The following MALT1 variants were observed in gnomAD, a reference collection of about 807,000 sequenced individuals.
The protein encoded by MALT1 is mucosa-associated lymphoid tissue lymphoma translocation protein 1.
In MALT1, 36 loss-of-function variants were observed where a neutral mutation model predicts 85.5. That is an observed-to-expected ratio of 0.42 (90% confidence interval 0.32 to 0.56). The LOEUF (loss-of-function observed/expected upper bound fraction) is 0.56. MALT1 is among the 20% of genes least tolerant of loss of function. The pLI, the probability that MALT1 is intolerant of heterozygous loss-of-function variation, is 0.10. For synonymous variants in MALT1, 359 were observed against 361.3 expected, an observed-to-expected ratio of 0.99 and a Z score of 0.07; for missense variants, 716 against 981.6, an observed-to-expected ratio of 0.73 and a Z score of 3.62.
At chr18:58,688,830 G>A (rs570278224) in intron 2 of MALT1, among the ~76,000 whole-genome samples, 7 of 152,088 alleles carry the variant, frequency 4.6e-5, no homozygotes, top group Non-Finnish European at 8.8e-5. Flanking sequence ...GTGGCAGAAA[G>A]CGGGATTACC....
At chr18:58,722,593 T>C (rs1351280914) in intron 9 of MALT1, among the ~76,000 whole-genome samples, 1 of 152,220 alleles carries the variant, frequency 6.6e-6, no homozygotes, top group African/African-American at 2.4e-5. Flanking sequence ...CTGATGGGAT[T>C]CTTCCTGTCC....
chr18:58,718,764 T>C (rs903124774), intron 9 of MALT1, among the ~76,000 whole-genome samples: 3 of 152,138 alleles, frequency 2.0e-5, no homozygotes, highest in African/African-American at 4.8e-5. Flanking sequence ...AGTAGAAATA[T>C]GTAAAGAATC....
chr18:58,747,361 T>C, intron 16 of MALT1, 44 bp from the exon 17 acceptor site: 3 of 1,216,892 alleles, frequency 2.5e-6, no homozygotes, highest in Non-Finnish European at 3.6e-6. Context: ...TGATATATAT[T>C]CACTGTTGAT....
chr18:58,689,190 A>T (rs2054457526), intron 2 of MALT1, among the ~76,000 whole-genome samples: 1 of 151,834 alleles, frequency 6.6e-6, no homozygotes, highest in Non-Finnish European at 1.5e-5. Flanking sequence ...AAAGCAAAAC[A>T]TAAGGTTTAA....
rs2055406333 is a variant in MALT1 at position 58,748,669 on chromosome 18, T to C, written c.*827T>C. 1 of 192,526 alleles carries C rather than the reference T, an allele frequency of 5.2e-6. No homozygotes were observed. The highest frequency in any genetic ancestry group is 6.1e-5 in the Admixed American group (1 of 16,330). 11.9% of individuals were successfully genotyped at this position (192,526 alleles called of 1,614,324 possible). On this transcript the variant is annotated 3_prime_UTR_variant, in exon 17 of 17. Coordinates refer to ENST00000649217, the MANE Select transcript of MALT1 (RefSeq NM_006785.4). ...ATATTTAGCATCTTCCTTGATAATATGTATTTTCTTCTTGAATTTCACTGG... is the reference window on the plus strand; with the variant it reads ...ATATTTAGCATCTTCCTTGATAATACGTATTTTCTTCTTGAATTTCACTGG...
Position 58,748,246 on chromosome 18 carries a change from AAAGGCATCTAAGTT to A in MALT1, c.*406_*419del, listed in dbSNP as rs1470946869. 2 of 244,288 alleles carry A rather than the reference AAAGGCATCTAAGTT, an allele frequency of 8.2e-6. No individual in the cohort carries two copies. The highest frequency in any genetic ancestry group is 1.6e-5 in the Non-Finnish European group (2 of 124,898). The allele number at this position is 244,288 out of a possible 1,614,324, so 15.1% of individuals were successfully genotyped here. A position where few individuals can be genotyped will look rare whatever the true frequency, so the allele number is the denominator to read the frequency against. ...AATTTTATCCATGGAAGAAACACAG[AAAGGCATCTAAGTT>A]AGAGCTGGCACCAGAACTGAGACCT... On this transcript the variant is annotated 3_prime_UTR_variant, in exon 17 of 17. Coordinates refer to ENST00000649217, the MANE Select transcript of MALT1 (RefSeq NM_006785.4).
At chr18:58,742,994 A>T (rs1030640598) in intron 14 of MALT1, among the ~76,000 whole-genome samples, 3 of 152,214 alleles carry the variant, frequency 2.0e-5, no homozygotes, top group African/African-American at 7.2e-5. Flanking sequence ...GAGTCCAAGT[A>T]TCTAGTCTGT....
At chr18:58,709,612 C>T in intron 5 of MALT1, 56 bp downstream of exon 5, 1 of 1,369,290 alleles carries the variant, frequency 7.3e-7, no homozygotes, top group Non-Finnish European at 1.0e-6. Flanking sequence ...ACAAATGGTA[C>T]AATTGAAATA....
Position 58,747,602 on chromosome 18 carries a change from A to G in MALT1, c.2235A>G (p.Gly745=). Residue 745 remains glycine (G), a synonymous_variant, in exon 17 of 17, where the codon GGA becomes GGG. Transcript: ENST00000649217. ...GPYQSSAATS[G]GAGHYHSLQD... ...ACCAGAGTTCTGCAGCCACCTCAGG[A>G]GGAGCAGGGCATTATCACTCATTGC... 1 of 1,614,196 alleles carries G rather than the reference A, an allele frequency of 6.2e-7. No homozygotes were observed. Among genetic ancestry groups the G allele is most frequent in the Non-Finnish European group, 8.5e-7 (1 of 1,180,012 alleles).
At chr18:58,711,556 C>CT (rs1374124036) in intron 7 of MALT1, among the ~76,000 whole-genome samples, 1 of 152,120 alleles carries the variant, frequency 6.6e-6, no homozygotes, top group African/African-American at 2.4e-5. Context: ...ACATAAACTT[C>CT]TAATTTGTTT....
intron 2 of MALT1, among the ~76,000 whole-genome samples, chr18:58,688,287 GTA>G (rs745478473): frequency 1.7e-5 from 2 of 119,710 alleles, no homozygotes; most frequent in Non-Finnish European, 3.4e-5. Flanking sequence ...GCAATAAATT[GTA>G]TATATATGTT....
chr18:58,719,705 G>A (rs2054957892), intron 9 of MALT1, among the ~76,000 whole-genome samples: 1 of 152,142 alleles, frequency 6.6e-6, no homozygotes, highest in African/African-American at 2.4e-5. Flanking sequence ...AGATAGGCAT[G>A]GACTAGAATG....
intron 4 of MALT1, 137 bp downstream of exon 4, chr18:58,700,728 G>A (rs947719128): frequency 1.2e-5 from 8 of 642,006 alleles, no homozygotes; most frequent in Non-Finnish European, 1.9e-5. Flanking sequence ...CCATTATAAT[G>A]TCAACCATTG....
intron 13 of MALT1, 100 bp from the exon 14 acceptor site, chr18:58,741,765 T>C (rs2055304500): frequency 1.6e-6 from 1 of 635,706 alleles, no homozygotes; most frequent in Middle Eastern, 3.8e-4. Flanking sequence ...TAAATGATAC[T>C]GAGAATATAA....
At chr18:58,738,118 C>T (rs571177136) in intron 13 of MALT1, among the ~76,000 whole-genome samples, 1 of 152,258 alleles carries the variant, frequency 6.6e-6, no homozygotes, top group East Asian at 1.9e-4. Flanking sequence ...TTCTCCCTTC[C>T]CCCACTCCAT....
At chr18:58,735,392 C>A in intron 13 of MALT1, 63 bp downstream of exon 13, 2 of 1,520,630 alleles carry the variant, frequency 1.3e-6, no homozygotes, top group Non-Finnish European at 1.7e-6. Flanking sequence ...CACACCTATT[C>A]AGGGTTCCCT....
intron 7 of MALT1, among the ~76,000 whole-genome samples, chr18:58,713,694 A>G (rs1435875060): frequency 6.6e-6 from 1 of 152,232 alleles, no homozygotes; most frequent in Non-Finnish European, 1.5e-5. Flanking sequence ...GGTATGGGGT[A>G]TATAGGAACT....
At chr18:58,676,494 C>T (rs921395785) in intron 1 of MALT1, among the ~76,000 whole-genome samples, 17 of 152,174 alleles carry the variant, frequency 1.1e-4, no homozygotes, top group Non-Finnish European at 1.5e-5. Flanking sequence ...GCTTTCTTGC[C>T]TTCCTTTGGA....
chr18:58,671,549 T>G lies in MALT1; in HGVS notation c.-95T>G, dbSNP rs1014906624. 1.2e-6 allele frequency: 1 copy of G among 815,282 alleles called. No individual in the cohort carries two copies. The highest frequency in any genetic ancestry group is 1.6e-6 in the Non-Finnish European group (1 of 615,816). 50.5% of individuals were successfully genotyped at this position (815,282 alleles called of 1,614,324 possible). On this transcript the variant is annotated 5_prime_UTR_variant, in exon 1 of 17. Coordinates refer to ENST00000649217, the MANE Select transcript of MALT1 (RefSeq NM_006785.4). Reference sequence around the variant, plus strand: ...CCAGATTTGTTCTTCCGCCCCTGCCTCCGCGGCTCGGAGGCGAGCGGAAGG... The same window carrying G: ...CCAGATTTGTTCTTCCGCCCCTGCCGCCGCGGCTCGGAGGCGAGCGGAAGG...
Sources: gnomAD v4.1 joint callset for allele counts (sites outside exome capture counted in the v4.1 genomes callset) on GRCh38, gnomAD v4.1.1 for gene constraint, MANE v1.5 for transcripts, NCBI Gene and HGNC (gene_info 2026-07-23, HGNC 2026-07-21) for gene names.